Variants in MTA3 observed in about 807,000 individuals in gnomAD.
MTA3 encodes the protein metastasis-associated protein MTA3.
Under a neutral mutation model 83.5 loss-of-function variants are expected in MTA3, and 34 were observed. That is an observed-to-expected ratio of 0.41 (90% CI 0.31 to 0.54). The LOEUF (loss-of-function observed/expected upper bound fraction) is 0.54, where lower values mean the gene tolerates loss of function less well. Among genes scored for constraint, MTA3 ranks in the 20% least tolerant of loss-of-function variants. The pLI, the probability that MTA3 is intolerant of heterozygous loss-of-function variation, is 0.33. For missense variants in MTA3, 761 were observed against 726.4 expected, an observed-to-expected ratio of 1.05 and a Z score of -0.55; for synonymous variants, 303 against 252.7, an observed-to-expected ratio of 1.20 and a Z score of -1.89.
At chr2:42,587,777 T>C (rs1282690568) in intron 3 of MTA3, among the ~76,000 whole-genome samples, 1 of 152,106 alleles carries the variant, frequency 6.6e-6, no homozygotes, top group East Asian at 1.9e-4. Context: ...AATTTTTGCA[T>C]TTTTTGTAGA....
intron 2 of MTA3, among the ~76,000 whole-genome samples, chr2:42,507,257 G>T (rs1458502077): frequency 6.6e-6 from 1 of 152,096 alleles, no homozygotes; most frequent in African/African-American, 2.4e-5. Context: ...CTGTGGCCTT[G>T]ACCTCCTAAG....
At chr2:42,577,877 T>C (rs1679228722) in intron 2 of MTA3, among the ~76,000 whole-genome samples, 1 of 152,206 alleles carries the variant, frequency 6.6e-6, no homozygotes, top group Non-Finnish European at 1.5e-5. Flanking sequence ...ACTAAGAGCT[T>C]ATATTTGAAG....
intron 3 of MTA3, among the ~76,000 whole-genome samples, chr2:42,584,563 T>G (rs1680046157): frequency 6.6e-6 from 1 of 151,758 alleles, no homozygotes; most frequent in South Asian, 2.1e-4. Flanking sequence ...TTTTTTGGGA[T>G]GGAGTCTAGC....
intron 14 of MTA3, 52 bp from the exon 15 acceptor site, chr2:42,718,936 G>T: frequency 7.5e-7 from 1 of 1,341,936 alleles, no homozygotes; most frequent in South Asian, 1.3e-5. Flanking sequence ...CATGTAGTCT[G>T]GCTAGAGAAA....
chr2:42,579,158 G>A lies in MTA3; in HGVS notation c.148G>A (p.Asp50Asn). ...AGTAGTATGCTTTTATAGACGACGT[G>A]ATATTTCCAACACACTTATAATGCT... Reference protein sequence around the residue: ...AKVVCFYRRRDISNTLIMLAD... With the variant: ...AKVVCFYRRRNISNTLIMLAD... Residue 50 changes from aspartate (D) to asparagine (N), a missense_variant, in exon 3 of 17, where the codon GAT becomes AAT. Physicochemically the swap from Asp to Asn is conservative, Grantham distance 23. Coordinates refer to ENST00000405094, the MANE Select transcript of MTA3 (RefSeq NM_001330442.2). 1 of 1,607,804 alleles carries A rather than the reference G, an allele frequency of 6.2e-7. No homozygotes were observed. The highest frequency in any genetic ancestry group is 8.5e-7 in the Non-Finnish European group (1 of 1,177,304).
chr2:42,517,203 T>G (rs1572909036), intron 2 of MTA3, among the ~76,000 whole-genome samples: 1 of 151,650 alleles, frequency 6.6e-6, no homozygotes, highest in African/African-American at 2.4e-5. Flanking sequence ...GCGGTTGCAG[T>G]GAGCCGACAT....
At chr2:42,548,846 A>ATAATATATATATATAAT (rs1553340715) in intron 2 of MTA3, among the ~76,000 whole-genome samples, 1 of 15,056 alleles carries the variant, frequency 6.6e-5, no homozygotes, top group African/African-American at 2.6e-4. Context: ...ATATATATAT[A>ATAATATATATATATAAT]ATATATATAT....
intron 2 of MTA3, among the ~76,000 whole-genome samples, chr2:42,554,194 A>T (rs1677270993): frequency 6.6e-6 from 1 of 152,060 alleles, no homozygotes; most frequent in Admixed American, 6.6e-5. Context: ...AGATCACGTC[A>T]TTGCACTCCA....
chr2:42,551,961 C>T (rs1468081477), intron 2 of MTA3, among the ~76,000 whole-genome samples: 3 of 151,914 alleles, frequency 2.0e-5, no homozygotes, highest in Non-Finnish European at 4.4e-5. Flanking sequence ...CTCTTGACCT[C>T]TTGATCCACC....
At chr2:42,501,875 G>A (rs1674412523) in intron 2 of MTA3, among the ~76,000 whole-genome samples, 1 of 152,174 alleles carries the variant, frequency 6.6e-6, no homozygotes, top group Non-Finnish European at 1.5e-5. Flanking sequence ...CTGCTGGGGA[G>A]GCTAAGGCAG....
intron 16 of MTA3, among the ~76,000 whole-genome samples, chr2:42,739,967 T>A (rs904245026): frequency 2.0e-5 from 3 of 152,218 alleles, no homozygotes; most frequent in Non-Finnish European, 4.4e-5. Flanking sequence ...TATCTGCAGT[T>A]ACATCCTCCA....
chr2:42,651,253 G>T (rs1311199320), intron 6 of MTA3, among the ~76,000 whole-genome samples: 2 of 152,220 alleles, frequency 1.3e-5, no homozygotes, highest in Non-Finnish European at 2.9e-5. Context: ...GAGTCAGTGA[G>T]TGAGTGGTAC....
chr2:42,529,416 C>A (rs1675858500), intron 2 of MTA3, among the ~76,000 whole-genome samples: 1 of 152,204 alleles, frequency 6.6e-6, no homozygotes, highest in African/African-American at 2.4e-5. Flanking sequence ...CAGGTCCTCA[C>A]CTGTCCTTAG....
chr2:42,755,787 A>G lies in MTA3; in HGVS notation c.*2388A>G, dbSNP rs1670199919. The G allele has an allele frequency of 1.0e-6, 1 of 985,368 alleles. No homozygotes were observed. Among genetic ancestry groups the G allele is most frequent in the East Asian group, 1.1e-4 (1 of 8,824 alleles). 61.0% of individuals were successfully genotyped at this position (985,368 alleles called of 1,614,324 possible). The stretch of plus-strand genomic sequence containing the variant: ...CATGTCACTGTGGTTCAGTGAGCAC[A>G]TGGGTGGACGTGCAGAGACTGTCTG... On this transcript the variant is annotated 3_prime_UTR_variant, in exon 17 of 17. Coordinates refer to ENST00000405094, the MANE Select transcript of MTA3 (RefSeq NM_001330442.2).
At chr2:42,652,159 A>G (rs972938458) in intron 6 of MTA3, among the ~76,000 whole-genome samples, 2 of 152,174 alleles carry the variant, frequency 1.3e-5, no homozygotes, top group African/African-American at 4.8e-5. Flanking sequence ...CAAAGGTTGC[A>G]TGGCTGCCTT....
chr2:42,529,585 T>C (rs1675865200), intron 2 of MTA3, among the ~76,000 whole-genome samples: 1 of 152,222 alleles, frequency 6.6e-6, no homozygotes, highest in African/African-American at 2.4e-5. Flanking sequence ...ACCTCACTCC[T>C]CAGGTGATTG....
At chr2:42,750,213 T>G (rs1460270749) in intron 16 of MTA3, among the ~76,000 whole-genome samples, 2 of 151,994 alleles carry the variant, frequency 1.3e-5, no homozygotes, top group Non-Finnish European at 2.9e-5. Context: ...CTGGTCTTGA[T>G]CTCTTGAACT....
intron 2 of MTA3, among the ~76,000 whole-genome samples, chr2:42,534,407 C>G (rs533634399): frequency 6.6e-6 from 1 of 152,236 alleles, no homozygotes; most frequent in East Asian, 1.9e-4. Context: ...ACCAGCCTGG[C>G]CAACACGGCA....
intron 8 of MTA3, among the ~76,000 whole-genome samples, chr2:42,677,587 G>A (rs147957801): frequency 0.026 from 3,953 of 151,920 alleles, 76 homozygotes; most frequent in Non-Finnish European, 0.037. Context: ...CAGGCAGTCC[G>A]CCTGCCTCAG....
Sources: gnomAD v4.1 joint callset for allele counts (sites outside exome capture counted in the v4.1 genomes callset) on GRCh38, gnomAD v4.1.1 for gene constraint, MANE v1.5 for transcripts, NCBI Gene and HGNC (gene_info 2026-07-23, HGNC 2026-07-21) for gene names.